RFX3: variants seen among roughly 807,000 people sequenced by gnomAD.
The protein encoded by RFX3 is transcription factor RFX3.
A neutral mutation model predicts 98.6 loss-of-function variants in RFX3; 14 were observed. The observed-to-expected ratio is 0.14, with a 90% CI of 0.09 to 0.22. The LOEUF is 0.22. Ranked by LOEUF, RFX3 falls within the 10% of genes least tolerant of loss-of-function variation. The pLI, the probability that RFX3 is intolerant of heterozygous loss-of-function variation, is 1.00. For missense variants in RFX3, 639 were observed against 926.9 expected, an observed-to-expected ratio of 0.69 and a Z score of 4.03; for synonymous variants, 383 against 328.4, an observed-to-expected ratio of 1.17 and a Z score of -1.80.
At chr9:3,391,189 T>C (rs748558786) in intron 2 of RFX3, among the ~76,000 whole-genome samples, 26 of 152,054 alleles carry the variant, frequency 1.7e-4, no homozygotes, top group Non-Finnish European at 3.5e-4. Flanking sequence ...TAGCAGCACA[T>C]TAACAATTCA....
At chr9:3,402,247 A>G (rs1841546122) in intron 1 of RFX3, among the ~76,000 whole-genome samples, 1 of 152,184 alleles carries the variant, frequency 6.6e-6, no homozygotes, top group Middle Eastern at 3.2e-3. Flanking sequence ...CAAAGTCTGC[A>G]AAGTTTGGTT....
At chr9:3,255,397 A>G (rs1041427953) in intron 14 of RFX3, among the ~76,000 whole-genome samples, 1 of 152,190 alleles carries the variant, frequency 6.6e-6, no homozygotes, top group Non-Finnish European at 1.5e-5. Flanking sequence ...CTCACCACTG[A>G]TGTCCAGAGG....
At chr9:3,505,189 T>G (rs1816820173) in intron 1 of RFX3, among the ~76,000 whole-genome samples, 1 of 93,050 alleles carries the variant, frequency 1.1e-5, no homozygotes, top group Non-Finnish European at 1.8e-5. Context: ...AATATATATA[T>G]GAATATATAT....
chr9:3,505,788 C>G (rs1016601224), intron 1 of RFX3, among the ~76,000 whole-genome samples: 6 of 149,908 alleles, frequency 4.0e-5, no homozygotes, highest in African/African-American at 1.2e-4. Flanking sequence ...CTCTCTACCC[C>G]CCTGCTTCTC....
intron 15 of RFX3, among the ~76,000 whole-genome samples, chr9:3,232,508 T>TA (rs1260793140): frequency 6.6e-6 from 1 of 152,196 alleles, no homozygotes; most frequent in African/African-American, 2.4e-5. Context: ...CTGCCATGGG[T>TA]AAGAAAGTTC....
Position 3,257,133 on chromosome 9 carries a change from T to A in RFX3, c.1672A>T (p.Met558Leu). 1 of 1,614,000 alleles carries A rather than the reference T, an allele frequency of 6.2e-7. No individual in the cohort carries two copies. Among genetic ancestry groups the A allele is most frequent in the Non-Finnish European group, 8.5e-7 (1 of 1,179,978 alleles). ...AGGGTGCTCTGCTGCTGAAGAGTCATCTTGAAGTCTGTTTCTAGTCTCTGA... is the reference window on the plus strand; with the variant it reads ...AGGGTGCTCTGCTGCTGAAGAGTCAACTTGAAGTCTGTTTCTAGTCTCTGA... ...MVQRLETDFKMTLQQQSTLEQ... is the reference protein window; with the variant it reads ...MVQRLETDFKLTLQQQSTLEQ... The change falls in exon 14 of 17, where the codon ATG (methionine) becomes TTG (leucine). Residue 558 changes from methionine (M) to leucine (L), a missense_variant. By Grantham distance (15) the Met-to-Leu change is conservative. This residue lies in a region of RFX3 where 138 missense variants were observed against 308.9 expected (regional missense o/e 0.45). Transcript: ENST00000617270.
intron 1 of RFX3, among the ~76,000 whole-genome samples, chr9:3,406,376 G>C (rs1055980427): frequency 1.3e-5 from 2 of 151,838 alleles, no homozygotes; most frequent in African/African-American, 2.4e-5. Flanking sequence ...ACTTTCCCGT[G>C]ATAGCTTCCC....
chr9:3,504,182 CATATTATATATT>C (rs1816393914), intron 1 of RFX3, among the ~76,000 whole-genome samples: 1 of 85,278 alleles, frequency 1.2e-5, no homozygotes, highest in African/African-American at 1.1e-4. Flanking sequence ...ATATATTATA[CATATTATATATT>C]ATATATATTA....
Position 3,225,053 on chromosome 9 carries a change from T to C in RFX3, c.2239A>G (p.Thr747Ala), listed in dbSNP as rs1308848244. ...CGCTTTAATATTCTTTAGACTGCAGTGTAGGTATTTCCTGTAGCGCTGCAC... is the reference window on the plus strand; with the variant it reads ...CGCTTTAATATTCTTTAGACTGCAGCGTAGGTATTTCCTGTAGCGCTGCAC... The part of the protein sequence containing the change: ...RQCSATGNTY[T>A]AV The change falls in exon 17 of 17, where the codon ACT (threonine) becomes GCT (alanine). Residue 747 changes from threonine (T) to alanine (A), a missense_variant. Transcript: ENST00000617270. The C allele has an allele frequency of 6.2e-7, 1 of 1,613,756 alleles. No individual in the cohort carries two copies. The highest frequency in any genetic ancestry group is 8.5e-7 in the Non-Finnish European group (1 of 1,179,758).
At chr9:3,248,727 C>T (rs957783025) in intron 14 of RFX3, among the ~76,000 whole-genome samples, 1 of 152,154 alleles carries the variant, frequency 6.6e-6, no homozygotes, top group African/African-American at 2.4e-5. Flanking sequence ...AGCAAGTTTC[C>T]TTGGAAGGCA....
intron 3 of RFX3, among the ~76,000 whole-genome samples, chr9:3,332,369 T>G (rs1832694959): frequency 6.6e-6 from 1 of 152,182 alleles, no homozygotes; most frequent in Non-Finnish European, 1.5e-5. Flanking sequence ...TTTAAATAAT[T>G]TTGTGCATGA....
At chr9:3,517,165 C>T (rs1818264357) in intron 1 of RFX3, among the ~76,000 whole-genome samples, 1 of 152,158 alleles carries the variant, frequency 6.6e-6, no homozygotes, top group African/African-American at 2.4e-5. Flanking sequence ...CAGTGTCAAT[C>T]TTGCTACAGA....
At chr9:3,239,209 G>A (rs1420020138) in intron 15 of RFX3, among the ~76,000 whole-genome samples, 4 of 152,192 alleles carry the variant, frequency 2.6e-5, no homozygotes, top group South Asian at 2.1e-4. Flanking sequence ...TTTTGCAAGC[G>A]AGGAAAAGGT....
At chr9:3,397,558 T>C (rs990984951) in intron 1 of RFX3, among the ~76,000 whole-genome samples, 2 of 152,286 alleles carry the variant, frequency 1.3e-5, no homozygotes, top group South Asian at 2.1e-4. Flanking sequence ...TCTTCTTATT[T>C]TGTAAACGAG....
Position 3,348,521 on chromosome 9 carries a change from T to A in RFX3, c.118-1757A>T, listed in dbSNP as rs1204993589. On this transcript the variant is annotated intron_variant, in intron 2 of 16. Coordinates refer to ENST00000617270, the MANE Select transcript of RFX3 (RefSeq NM_001282116.2). The stretch of plus-strand genomic sequence containing the variant: ...TTGCGGTAGTCTAATTCTATTATTC[T>A]TTCTTCATTTATTAGCAAAATCCTT... 2.6e-5 allele frequency among the ~76,000 whole-genome samples: 4 copies of A among 151,798 alleles called. No individual in the cohort carries two copies. In the East Asian group the frequency reaches 7.7e-4, roughly 29 times the overall value.
intron 4 of RFX3, among the ~76,000 whole-genome samples, chr9:3,327,270 A>G (rs1382085006): frequency 6.6e-6 from 1 of 152,160 alleles, no homozygotes; most frequent in Non-Finnish European, 1.5e-5. Context: ...CACATTTGGC[A>G]AGAGGCACAT....
intron 1 of RFX3, among the ~76,000 whole-genome samples, chr9:3,431,347 C>T (rs1324176916): frequency 6.6e-6 from 1 of 152,138 alleles, no homozygotes; most frequent in African/African-American, 2.4e-5. Flanking sequence ...AGTTACATTA[C>T]AACAAAAAGT....
At chr9:3,394,264 C>T (rs903342333) in intron 2 of RFX3, among the ~76,000 whole-genome samples, 1 of 152,048 alleles carries the variant, frequency 6.6e-6, no homozygotes, top group Non-Finnish European at 1.5e-5. Flanking sequence ...GAGATCGAGA[C>T]CATCCTGGCT....
chr9:3,352,246 A>G lies in RFX3; in HGVS notation c.118-5482T>C, dbSNP rs796520674. On this transcript the variant is annotated intron_variant, in intron 2 of 16. Transcript: ENST00000617270. ...ATATAAACATAAACAAAATGTGTGT[A>G]TGTGTGTGTGCATATATATATACAT... is the stretch of plus-strand genomic sequence containing the variant. Among the ~76,000 whole-genome samples, 6 of 151,862 alleles carry G rather than the reference A, an allele frequency of 4.0e-5. No individual in the cohort carries two copies. The East Asian group carries it at 1.2e-3, about 29-fold the overall frequency.
Sources: gnomAD v4.1 joint callset for allele counts (sites outside exome capture counted in the v4.1 genomes callset) on GRCh38, gnomAD v4.1.1 for gene constraint, gnomAD v4.1.1 regional missense constraint, MANE v1.5 for transcripts, NCBI Gene and HGNC (gene_info 2026-07-23, HGNC 2026-07-21) for gene names.